TESK2: variants seen among roughly 807,000 people sequenced by gnomAD.
TESK2 encodes testis associated actin remodelling kinase 2.
In TESK2, 39 loss-of-function variants were observed where a neutral mutation model predicts 57.1. The ratio of observed to expected loss-of-function variants is 0.68; its 90% confidence interval spans 0.53 to 0.89. The LOEUF (loss-of-function observed/expected upper bound fraction) is 0.89. TESK2 is among the 40% of genes least tolerant of loss of function. TESK2 has a pLI of 0.00. For synonymous variants in TESK2, 249 were observed against 267.9 expected (o/e 0.93, Z 0.69); for missense variants, 646 against 732.1 (o/e 0.88, Z 1.36).
chr1:45,389,563 C>A (rs1231462503), intron 3 of TESK2, among the ~76,000 whole-genome samples: 1 of 152,194 alleles, frequency 6.6e-6, no homozygotes, highest in Non-Finnish European at 1.5e-5. Context: ...ACTTCTCAGC[C>A]TCCATAACTG....
At chr1:45,443,847 C>T (rs891425365) in intron 2 of TESK2, among the ~76,000 whole-genome samples, 1 of 151,996 alleles carries the variant, frequency 6.6e-6, no homozygotes, top group African/African-American at 2.4e-5. Context: ...GATCAGGAGT[C>T]GGCAATTTTT....
chr1:45,379,146 T>C (rs532028942), intron 4 of TESK2, among the ~76,000 whole-genome samples: 2 of 152,192 alleles, frequency 1.3e-5, no homozygotes, highest in East Asian at 1.9e-4. Context: ...CCAAAAAAAC[T>C]GGAATCAGGG....
chr1:45,444,649 G>A (rs552350499), intron 2 of TESK2, among the ~76,000 whole-genome samples: 1 of 152,258 alleles, frequency 6.6e-6, no homozygotes, highest in African/African-American at 2.4e-5. Flanking sequence ...CACCATATTG[G>A]AACATATCCA....
intron 4 of TESK2, among the ~76,000 whole-genome samples, chr1:45,362,991 G>A (rs1294163908): frequency 1.3e-5 from 2 of 152,114 alleles, no homozygotes; most frequent in Non-Finnish European, 2.9e-5. Context: ...ACTGAGGCTG[G>A]GAGAAGAGTT....
At position 45,441,496 on chromosome 1, in the gene TESK2, C is replaced by G. The variant is rs550020695; in HGVS notation, c.222+16068G>C. On this transcript the variant is annotated intron_variant, in intron 2 of 10. Coordinates refer to ENST00000372086, the MANE Select transcript of TESK2 (RefSeq NM_007170.3). ...CCAGCCTGTTGTTTTTTAATAGAGA[C>G]AGACTCTTGCTATGTTGCCTAGGCT... 2.1e-4 allele frequency among the ~76,000 whole-genome samples: 32 copies of G among 152,010 alleles called. No homozygotes were observed. The South Asian group carries it at 5.8e-3, about 28-fold the overall frequency.
At chr1:45,409,031 C>G (rs1440259542) in intron 3 of TESK2, among the ~76,000 whole-genome samples, 3 of 152,164 alleles carry the variant, frequency 2.0e-5, no homozygotes, top group African/African-American at 7.2e-5. Context: ...CTGACACCCA[C>G]CTTCAGTTCC....
At position 45,457,605 on chromosome 1, in the gene TESK2, A is replaced by T; in HGVS notation, c.181T>A (p.Cys61Ser). The change falls in exon 2 of 11, where the codon TGT (cysteine) becomes AGT (serine). Residue 61 changes from cysteine to serine, a missense_variant. By Grantham distance (112) the Cys-to-Ser change is moderately radical. Coordinates refer to ENST00000372086, the MANE Select transcript of TESK2 (RefSeq NM_007170.3). ...SRLTRLDDFT[C>S]EKIGSGFFSE... is the part of the protein sequence containing the mutation. ...AAGAAGCCAGACCCTATTTTTTCAC[A>T]GGTGAAATCATCCAAACGCGTCAGT... The T allele has an allele frequency of 1.2e-6, 2 of 1,614,106 alleles. No individual in the cohort carries two copies. The highest frequency in any genetic ancestry group is 1.7e-6 in the Non-Finnish European group (2 of 1,179,986).
chr1:45,398,189 G>A (rs1649442764), intron 3 of TESK2, among the ~76,000 whole-genome samples: 1 of 152,060 alleles, frequency 6.6e-6, no homozygotes, highest in Non-Finnish European at 1.5e-5. Flanking sequence ...GATTACAGGT[G>A]GGAGCCACTG....
intron 9 of TESK2, among the ~76,000 whole-genome samples, chr1:45,346,446 C>T (rs901059499): frequency 1.1e-4 from 17 of 152,210 alleles, no homozygotes; most frequent in Non-Finnish European, 2.4e-4. Flanking sequence ...CAACACCTAA[C>T]GCAAGGAGTG....
intron 3 of TESK2, among the ~76,000 whole-genome samples, chr1:45,396,533 C>T (rs563286850): frequency 2.6e-5 from 4 of 151,856 alleles, no homozygotes; most frequent in Admixed American, 6.6e-5. Context: ...CTGTTGCCCA[C>T]GCTGGAGTGC....
intron 3 of TESK2, among the ~76,000 whole-genome samples, chr1:45,392,350 C>T (rs1164388984): frequency 6.6e-6 from 1 of 152,182 alleles, no homozygotes; most frequent in African/African-American, 2.4e-5. Flanking sequence ...GGTGATCTGC[C>T]TGCCTTAGCC....
intron 3 of TESK2, among the ~76,000 whole-genome samples, chr1:45,389,969 A>G (rs1158175692): frequency 6.6e-6 from 1 of 152,202 alleles, no homozygotes; most frequent in Non-Finnish European, 1.5e-5. Flanking sequence ...TAACCCTTCA[A>G]TGGTTCCCTT....
intron 4 of TESK2, among the ~76,000 whole-genome samples, chr1:45,375,030 C>CT (rs958875005): frequency 7.9e-5 from 12 of 152,308 alleles, no homozygotes; most frequent in African/African-American, 2.4e-4. Flanking sequence ...TAACTCTCAC[C>CT]TTTTTTGCAG....
chr1:45,368,331 TTTTG>T (rs1412416355), intron 4 of TESK2, among the ~76,000 whole-genome samples: 1 of 151,380 alleles, frequency 6.6e-6, no homozygotes, highest in East Asian at 1.9e-4. Context: ...CTTGTCATCT[TTTTG>T]TTTTTGTTTT....
Position 45,457,702 on chromosome 1 carries a change from TC to T in TESK2, c.83del (p.Gly28GlufsTer5). ...RLEEFEGGGG[G>X]EGNVSQVGRV... ...TTCCCACCTGGCTCACATTTCCTTC[TC>T]CTCCACCACCTCCTTCAAACTCTTC... On this transcript the variant is annotated frameshift_variant, in exon 2 of 11. Coordinates refer to ENST00000372086, the MANE Select transcript of TESK2 (RefSeq NM_007170.3). LOFTEE classifies it high-confidence loss of function. The T allele has an allele frequency of 6.2e-7, 1 of 1,614,150 alleles. No individual in the cohort carries two copies. The highest frequency in any genetic ancestry group is 8.5e-7 in the Non-Finnish European group (1 of 1,180,016).
intron 4 of TESK2, chr1:45,385,417 T>A (rs1648848115): frequency 1.2e-6 from 1 of 850,348 alleles, no homozygotes. Flanking sequence ...CAACAAGTAA[T>A]AAGACCAACC....
At chr1:45,441,617 CTTTTTT>C (rs763476517) in intron 2 of TESK2, among the ~76,000 whole-genome samples, 1 of 118,686 alleles carries the variant, frequency 8.4e-6, no homozygotes. Flanking sequence ...CAAAATTATT[CTTTTTT>C]TTTTTTTTTT....
chr1:45,467,690 G>A (rs1652610406), intron 1 of TESK2, among the ~76,000 whole-genome samples: 1 of 151,690 alleles, frequency 6.6e-6, no homozygotes, highest in African/African-American at 2.4e-5. Flanking sequence ...GCATGCTTAA[G>A]CCAAAACATT....
At chr1:45,369,047 G>C (rs1648069879) in intron 4 of TESK2, among the ~76,000 whole-genome samples, 1 of 152,054 alleles carries the variant, frequency 6.6e-6, no homozygotes. Flanking sequence ...GAGCCACCAG[G>C]CTGGCCCAGA....
Sources: gnomAD v4.1 joint callset for allele counts (sites outside exome capture counted in the v4.1 genomes callset) on GRCh38, gnomAD v4.1.1 for gene constraint, MANE v1.5 for transcripts, NCBI Gene and HGNC (gene_info 2026-07-23, HGNC 2026-07-21) for gene names.